The following TENM2 variants were observed in gnomAD, a reference collection of about 807,000 sequenced individuals.
TENM2 encodes teneurin transmembrane protein 2, also known as teneurin-2.
In TENM2, 52 loss-of-function variants were observed where a neutral mutation model predicts 245.2. The observed-to-expected ratio is 0.21, with a 90% CI of 0.17 to 0.27. The LOEUF is 0.27. Ranked by LOEUF, TENM2 falls within the 10% of genes least tolerant of loss-of-function variation. TENM2 has a pLI of 1.00. For synonymous variants in TENM2, 1,363 were observed against 1,438.9 expected (o/e 0.95, Z 1.19); for missense variants, 3,046 against 3,666.8 (o/e 0.83, Z 4.37).
chr5:167,698,349 T>A (rs376381060), intron 2 of TENM2, among the ~76,000 whole-genome samples: 114 of 152,316 alleles, frequency 7.5e-4, no homozygotes, highest in South Asian at 5.8e-3. Flanking sequence ...ATAGACCATG[T>A]TTTACTGTTC....
chr5:167,059,708 C>T, the TENM2 span, among the ~76,000 whole-genome samples: 4 of 142,782 alleles, frequency 2.8e-5, no homozygotes, highest in Admixed American at 6.9e-5. Context: ...AAGTAAATGT[C>T]TTTTTTTTTT....
At chr5:167,283,483 G>A (rs1454874336), upstream of TENM2, among the ~76,000 whole-genome samples, 1 of 152,152 alleles carries the variant, frequency 6.6e-6, no homozygotes, top group Non-Finnish European at 1.5e-5. Flanking sequence ...ACAAGGGAGG[G>A]GCTACTTGGC....
rs70976464 is a variant in TENM2, at chr5:168,143,843, CTTTTTT to C, written c.2422+16895_2422+16900del. 2.8e-3 allele frequency among the ~76,000 whole-genome samples: 291 copies of C among 102,698 alleles called. 2 individuals carry two copies. Among genetic ancestry groups the C allele is most frequent in the East Asian group, 7.5e-3 (30 of 4,010 alleles). The allele number at this position is 102,698 out of a possible 152,430, so 67.4% of individuals were successfully genotyped here. On this transcript the variant is annotated intron_variant, in intron 12 of 28. Transcript: ENST00000518659. ...AACTAGAAATTTGTCTACTACACTT[CTTTTTT>C]TTTTTTTTTTTTTTTTTGAGACAGA...
the TENM2 span, among the ~76,000 whole-genome samples, chr5:167,042,352 G>A: frequency 3.3e-5 from 5 of 152,084 alleles, no homozygotes; most frequent in African/African-American, 9.7e-5. Context: ...GTAGCATCAC[G>A]TTTGTATCTC....
At chr5:168,180,485 T>C (rs536298239) in intron 13 of TENM2, among the ~76,000 whole-genome samples, 1 of 152,356 alleles carries the variant, frequency 6.6e-6, no homozygotes, top group East Asian at 1.9e-4. Context: ...TTGGAAAAAC[T>C]GTTGTAGCCC....
chr5:167,715,514 C>T (rs1404547091), intron 2 of TENM2, among the ~76,000 whole-genome samples: 1 of 152,136 alleles, frequency 6.6e-6, no homozygotes, highest in Non-Finnish European at 1.5e-5. Context: ...GTTTTAACCC[C>T]TGGGATGTTT....
intron 2 of TENM2, among the ~76,000 whole-genome samples, chr5:167,673,342 T>C (rs935165637): frequency 6.6e-6 from 1 of 152,044 alleles, no homozygotes; most frequent in Non-Finnish European, 1.5e-5. Flanking sequence ...TAAAAGATGG[T>C]TCCCATTAAC....
At chr5:168,099,521 T>G (rs375605924) in intron 9 of TENM2, among the ~76,000 whole-genome samples, 1 of 152,170 alleles carries the variant, frequency 6.6e-6, no homozygotes, top group East Asian at 1.9e-4. Context: ...CTTGACTTTC[T>G]TATTTAATTA....
At chr5:167,508,041 C>T (rs191967072) in intron 2 of TENM2, among the ~76,000 whole-genome samples, 2 of 152,124 alleles carry the variant, frequency 1.3e-5, no homozygotes, top group East Asian at 3.9e-4. Context: ...CTCAAGTTTA[C>T]CAAGGAAACC....
At chr5:167,078,272 T>A in the TENM2 span, among the ~76,000 whole-genome samples, 2 of 151,844 alleles carry the variant, frequency 1.3e-5, no homozygotes, top group Non-Finnish European at 2.9e-5. Context: ...TCTCCTGAGG[T>A]TGGGAGTTCG....
chr5:168,011,618 T>A (rs1785228038), intron 5 of TENM2, among the ~76,000 whole-genome samples: 1 of 152,218 alleles, frequency 6.6e-6, no homozygotes, highest in African/African-American at 2.4e-5. Flanking sequence ...TGGCTCTGTG[T>A]CCCTCGTTCC....
At chr5:167,914,148 C>T (rs1257879838) in intron 3 of TENM2, among the ~76,000 whole-genome samples, 1 of 152,206 alleles carries the variant, frequency 6.6e-6, no homozygotes, top group African/African-American at 2.4e-5. Context: ...TTGACTTGTA[C>T]AAGTTCAGCA....
intron 2 of TENM2, among the ~76,000 whole-genome samples, chr5:167,752,708 C>T (rs572105883): frequency 2.0e-5 from 3 of 152,182 alleles, no homozygotes; most frequent in South Asian, 2.1e-4. Context: ...TCCACCTATA[C>T]GTGAGCGTGG....
In TENM2 at chr5:167,988,642, A is replaced by G. The variant is rs1315894869; in HGVS notation, c.948-4302A>G. 2.0e-5 allele frequency among the ~76,000 whole-genome samples: 3 copies of G among 152,188 alleles called. No individual in the cohort carries two copies. The East Asian group carries it at 5.8e-4, about 29-fold the overall frequency. On this transcript the variant is annotated intron_variant, in intron 4 of 28. Coordinates refer to ENST00000518659, the Ensembl canonical transcript of TENM2. ...TGGGCAATAGCAAAAGGATAATATG[A>G]TGGATGGAGTGAGGGAGGACAACAG... is the stretch of plus-strand genomic sequence containing the variant.
the TENM2 span, among the ~76,000 whole-genome samples, chr5:166,994,061 A>C: frequency 6.6e-6 from 1 of 152,040 alleles, no homozygotes; most frequent in South Asian, 2.1e-4. Context: ...TATATATGAG[A>C]TATATACACA....
At chr5:167,405,696 AC>A (rs1263721662) in intron 2 of TENM2, among the ~76,000 whole-genome samples, 3 of 151,404 alleles carry the variant, frequency 2.0e-5, no homozygotes. Flanking sequence ...ACTCAGCCTC[AC>A]CCTGTAATTT....
chr5:167,229,758 A>G, the TENM2 span, among the ~76,000 whole-genome samples: 4 of 152,206 alleles, frequency 2.6e-5, no homozygotes, highest in Non-Finnish European at 5.9e-5. Flanking sequence ...TGGTGTGTAT[A>G]GATCCTGGCT....
chr5:167,254,611 A>C, the TENM2 span, among the ~76,000 whole-genome samples: 1 of 152,164 alleles, frequency 6.6e-6, no homozygotes, highest in Non-Finnish European at 1.5e-5. Context: ...TTACCAAGAA[A>C]GGAGGAGGAA....
chr5:167,449,800 A>G (rs1252998846), intron 2 of TENM2, among the ~76,000 whole-genome samples: 1 of 152,148 alleles, frequency 6.6e-6, no homozygotes, highest in Non-Finnish European at 1.5e-5. Flanking sequence ...TCTACTAAAA[A>G]TACAAAAATG....
Sources: allele counts gnomAD v4.1 joint callset (sites outside exome capture counted in the v4.1 genomes callset), GRCh38; gene constraint gnomAD v4.1.1; transcripts MANE v1.5; gene names NCBI Gene and HGNC (gene_info 2026-07-23, HGNC 2026-07-21).